ITGA9: variants seen among roughly 807,000 people sequenced by gnomAD.
ITGA9 encodes the protein integrin alpha-9.
A neutral mutation model predicts 127.8 loss-of-function variants in ITGA9; 56 were observed. That is an observed-to-expected ratio of 0.44 (90% CI 0.35 to 0.55). ITGA9 has a LOEUF of 0.55. ITGA9 is among the 20% of genes least tolerant of loss of function. The pLI, the probability that ITGA9 is intolerant of heterozygous loss-of-function variation, is 0.00. For missense variants in ITGA9, 1,196 were observed against 1,347.1 expected (o/e 0.89, Z 1.76); for synonymous variants, 508 against 514.5 (o/e 0.99, Z 0.17).
At chr3:37,713,969 G>A (rs1233014491) in intron 18 of ITGA9, among the ~76,000 whole-genome samples, 2 of 152,230 alleles carry the variant, frequency 1.3e-5, no homozygotes, top group Non-Finnish European at 2.9e-5. Flanking sequence ...ATGCTGCATT[G>A]AGCCACAGCC....
chr3:37,774,765 C>T (rs1021476913), intron 23 of ITGA9, among the ~76,000 whole-genome samples: 3 of 151,958 alleles, frequency 2.0e-5, no homozygotes, highest in African/African-American at 7.2e-5. Flanking sequence ...TTATTAGACA[C>T]TTAAATTTTA....
intron 15 of ITGA9, among the ~76,000 whole-genome samples, chr3:37,581,302 C>T (rs566492176): frequency 6.6e-6 from 1 of 152,240 alleles, no homozygotes; most frequent in Non-Finnish European, 1.5e-5. Flanking sequence ...GAGGTAAAGA[C>T]ACTAGGAGTA....
At chr3:37,526,725 G>C (rs1378180382) in intron 13 of ITGA9, among the ~76,000 whole-genome samples, 1 of 152,260 alleles carries the variant, frequency 6.6e-6, no homozygotes, top group Non-Finnish European at 1.5e-5. Flanking sequence ...ATTACACTTT[G>C]GAGTGGGAGC....
chr3:37,497,997 T>C (rs981293011), intron 5 of ITGA9, among the ~76,000 whole-genome samples: 1 of 148,540 alleles, frequency 6.7e-6, no homozygotes, highest in Non-Finnish European at 1.5e-5. Context: ...ATAAAAATGA[T>C]TGGGGGAGGC....
At chr3:37,792,088 G>A (rs1697118266) in intron 26 of ITGA9, among the ~76,000 whole-genome samples, 1 of 152,090 alleles carries the variant, frequency 6.6e-6, no homozygotes, top group African/African-American at 2.4e-5. Context: ...AGCAGTGGGT[G>A]GTGAGTAGTT....
At chr3:37,693,593 T>C (rs541749127) in intron 18 of ITGA9, among the ~76,000 whole-genome samples, 4 of 152,342 alleles carry the variant, frequency 2.6e-5, no homozygotes, top group African/African-American at 9.6e-5. Flanking sequence ...ATCCACTTGC[T>C]AATCTGGATA....
chr3:37,648,080 A>ATTT (rs202042111), intron 16 of ITGA9, among the ~76,000 whole-genome samples: 1 of 151,786 alleles, frequency 6.6e-6, no homozygotes, highest in Admixed American at 6.6e-5. Context: ...TTCTATTTTT[A>ATTT]TTTTTTTTGA....
intron 5 of ITGA9, among the ~76,000 whole-genome samples, chr3:37,499,632 A>C (rs1698768174): frequency 6.6e-6 from 1 of 152,152 alleles, no homozygotes; most frequent in African/African-American, 2.4e-5. Context: ...AGGGAACAGA[A>C]AAAACAACTA....
intron 4 of ITGA9, among the ~76,000 whole-genome samples, chr3:37,484,928 G>A (rs57409788): frequency 0.11 from 17,010 of 152,196 alleles, 1,081 homozygotes; most frequent in Middle Eastern, 0.17. Context: ...ACAACATACT[G>A]TATTCTGAGC....
chr3:37,690,382 G>A (rs1194184265), intron 18 of ITGA9, among the ~76,000 whole-genome samples: 1 of 152,154 alleles, frequency 6.6e-6, no homozygotes, highest in Non-Finnish European at 1.5e-5. Context: ...AGGCCTGTCA[G>A]GACTTTACCA....
Position 37,732,880 on chromosome 3 carries a change from G to A in ITGA9, c.2154+82G>A, listed in dbSNP as rs1696311341. On this transcript the variant is annotated intron_variant, in intron 19 of 27. Transcript: ENST00000264741. The stretch of plus-strand genomic sequence containing the variant: ...CCACTGATTCCGCCGCCTCCCTGAG[G>A]TGAGGAGTCCTCCCACCCCCTGCCT... 2.3e-5 allele frequency: 25 copies of A among 1,078,900 alleles called. 1 individual carries two copies. In the South Asian group the frequency reaches 3.3e-4, roughly 14 times the overall value. 66.8% of individuals were successfully genotyped at this position (1,078,900 alleles called of 1,614,324 possible).
At chr3:37,713,591 G>C (rs1383690013) in intron 18 of ITGA9, among the ~76,000 whole-genome samples, 2 of 152,146 alleles carry the variant, frequency 1.3e-5, no homozygotes, top group Non-Finnish European at 2.9e-5. Flanking sequence ...GAGCTGGGGA[G>C]GGGGTGCGGG....
intron 24 of ITGA9, 121 bp downstream of exon 24, chr3:37,777,638 C>T: frequency 8.8e-7 from 1 of 1,130,334 alleles, no homozygotes; most frequent in Admixed American, 1.9e-5. Context: ...TACAAAGGCA[C>T]AGACTGTGGT....
rs551080534 is a variant in ITGA9, at chr3:37,675,475, C to G, written c.1917-8390C>G. Reference sequence around the variant, plus strand: ...TTCAAACCTGTCTCCAGCTCTGCATCTGGGGGCGCCTGCACTGACATTCTT... The same window carrying G: ...TTCAAACCTGTCTCCAGCTCTGCATGTGGGGGCGCCTGCACTGACATTCTT... On this transcript the variant is annotated intron_variant, in intron 17 of 27. Transcript: ENST00000264741. Among the ~76,000 whole-genome samples the G allele has an allele frequency of 3.9e-5, 6 of 152,330 alleles. No individual in the cohort carries two copies. In the South Asian group the frequency reaches 1.0e-3, roughly 26 times the overall value.
intron 15 of ITGA9, among the ~76,000 whole-genome samples, chr3:37,551,495 CT>C (rs1699377877): frequency 6.6e-6 from 1 of 152,186 alleles, no homozygotes; most frequent in African/African-American, 2.4e-5. Flanking sequence ...TGCTTTGTGC[CT>C]TGATCATGTG....
At chr3:37,533,190 T>C in intron 13 of ITGA9, 124 bp from the exon 14 acceptor site, 1 of 905,038 alleles carries the variant, frequency 1.1e-6, no homozygotes, top group South Asian at 1.4e-5. Flanking sequence ...TCTCTTGGGA[T>C]ATTTCATGCT....
At chr3:37,561,533 T>TA (rs1305337755) in intron 15 of ITGA9, among the ~76,000 whole-genome samples, 2 of 152,212 alleles carry the variant, frequency 1.3e-5, no homozygotes, top group Non-Finnish European at 2.9e-5. Context: ...CTTTCACACT[T>TA]ACAAAAGTTA....
At chr3:37,744,520 T>C (rs536834738) in intron 22 of ITGA9, among the ~76,000 whole-genome samples, 7 of 152,056 alleles carry the variant, frequency 4.6e-5, no homozygotes, top group African/African-American at 1.7e-4. Context: ...TGAGCCCCTG[T>C]GAGCCCCCAC....
intron 17 of ITGA9, among the ~76,000 whole-genome samples, chr3:37,683,365 T>C (rs1700751535): frequency 6.6e-6 from 1 of 152,228 alleles, no homozygotes; most frequent in African/African-American, 2.4e-5. Flanking sequence ...AAGTCTGGCA[T>C]GTTCTATCTT....
Sources: gnomAD v4.1 joint callset for allele counts (sites outside exome capture counted in the v4.1 genomes callset) on GRCh38, gnomAD v4.1.1 for gene constraint, MANE v1.5 for transcripts, NCBI Gene and HGNC (gene_info 2026-07-23, HGNC 2026-07-21) for gene names.